Variants in ANTXR2 observed in about 807,000 individuals in gnomAD.
ANTXR2 encodes the protein anthrax toxin receptor 2.
ANTXR2 carries 44 observed loss-of-function variants against 73.7 expected under a neutral mutation model. The ratio of observed to expected loss-of-function variants is 0.60; its 90% CI spans 0.47 to 0.77. The LOEUF is 0.77. Ranked by LOEUF, ANTXR2 falls within the 30% of genes least tolerant of loss-of-function variation. The pLI is 0.00. For synonymous variants in ANTXR2, 217 were observed against 205.9 expected (o/e 1.05, Z -0.46); for missense variants, 604 against 592.5 (o/e 1.02, Z -0.20).
intron 11 of ANTXR2, among the ~76,000 whole-genome samples, chr4:80,012,317 G>A (rs984656137): frequency 6.6e-6 from 1 of 151,402 alleles, no homozygotes; most frequent in Admixed American, 6.6e-5. Context: ...AATCTATTTG[G>A]TAAGACCCCA....
chr4:79,993,760 G>GCACACA (rs1553931141), intron 12 of ANTXR2, among the ~76,000 whole-genome samples: 13,745 of 140,700 alleles, frequency 0.098, 2,089 homozygotes, highest in African/African-American at 0.33. Context: ...ACACACACAC[G>GCACACA]CACACACACA....
intron 7 of ANTXR2, among the ~76,000 whole-genome samples, chr4:80,046,684 T>C (rs1023816908): frequency 6.6e-6 from 1 of 151,776 alleles, no homozygotes; most frequent in Admixed American, 6.6e-5. Context: ...TGTTTCCCTA[T>C]GCAACAATAA....
At chr4:79,989,890 C>T (rs1263066834) in intron 12 of ANTXR2, among the ~76,000 whole-genome samples, 2 of 151,884 alleles carry the variant, frequency 1.3e-5, no homozygotes, top group African/African-American at 2.4e-5. Context: ...ACCACATGAT[C>T]ATCTCAATAG....
intron 7 of ANTXR2, among the ~76,000 whole-genome samples, chr4:80,037,641 A>G (rs1733040431): frequency 6.6e-6 from 1 of 152,140 alleles, no homozygotes; most frequent in Non-Finnish European, 1.5e-5. Context: ...ATTCACTTTT[A>G]TGGATTCAAG....
At chr4:80,068,459 G>T (rs1428602144) in intron 3 of ANTXR2, among the ~76,000 whole-genome samples, 1 of 152,058 alleles carries the variant, frequency 6.6e-6, no homozygotes, top group Non-Finnish European at 1.5e-5. Context: ...TCCCACTATG[G>T]ATCCCATTCT....
At position 79,978,019 on chromosome 4, in the gene ANTXR2, G is replaced by A; in HGVS notation, c.1335C>T (p.Tyr445=). 6.3e-7 allele frequency: 1 copy of A among 1,598,720 alleles called. No homozygotes were observed. Among genetic ancestry groups the A allele is most frequent in the Non-Finnish European group, 8.5e-7 (1 of 1,174,932 alleles). ...PTHQPPQTKW[Y]TPIKGRLDAL... ...TCTGGACACATACCTTAATTGGGGT[G>A]TACCATTTTGTCTGAGGAGGCTGGT... is the stretch of plus-strand genomic sequence containing the variant. Residue 445 remains tyrosine, a synonymous_variant, in exon 15 of 17, where the codon TAC becomes TAT. Coordinates refer to ENST00000403729, the MANE Select transcript of ANTXR2 (RefSeq NM_058172.6).
chr4:79,933,836 G>A (rs1315761834), intron 16 of ANTXR2, among the ~76,000 whole-genome samples: 2 of 148,452 alleles, frequency 1.3e-5, no homozygotes, highest in Non-Finnish European at 3.0e-5. Flanking sequence ...CTGGGTTCAC[G>A]CCATTCTCCC....
At chr4:80,041,108 C>T (rs191371382) in intron 7 of ANTXR2, among the ~76,000 whole-genome samples, 426 of 152,066 alleles carry the variant, frequency 2.8e-3, no homozygotes, top group Non-Finnish European at 4.4e-3. Flanking sequence ...GTCTAATAAA[C>T]AAATATTTTT....
chr4:80,055,071 CA>C, intron 6 of ANTXR2, 78 bp downstream of exon 6: 1 of 1,282,964 alleles, frequency 7.8e-7, no homozygotes, highest in South Asian at 1.4e-5. Context: ...ACAATGTCAT[CA>C]GTGAAAAGAA....
At chr4:80,030,572 C>T (rs1171744100) in intron 10 of ANTXR2, among the ~76,000 whole-genome samples, 1 of 151,990 alleles carries the variant, frequency 6.6e-6, no homozygotes, top group Non-Finnish European at 1.5e-5. Context: ...GTTTTGTAAG[C>T]CATCTTGTGC....
At chr4:80,009,145 T>C (rs932529346) in intron 11 of ANTXR2, among the ~76,000 whole-genome samples, 5 of 152,240 alleles carry the variant, frequency 3.3e-5, no homozygotes, top group African/African-American at 1.2e-4. Context: ...ATCTCATGCA[T>C]TCATAAATCA....
intron 16 of ANTXR2, among the ~76,000 whole-genome samples, chr4:79,976,464 G>T (rs1236794840): frequency 7.7e-6 from 1 of 129,534 alleles, no homozygotes; most frequent in Non-Finnish European, 1.8e-5. Flanking sequence ...CATTGCCATG[G>T]CAACACCCAG....
At chr4:80,025,504 G>T (rs1732387649) in intron 10 of ANTXR2, among the ~76,000 whole-genome samples, 1 of 152,094 alleles carries the variant, frequency 6.6e-6, no homozygotes, top group Admixed American at 6.6e-5. Context: ...ACATTTGCTG[G>T]AAGTAATAAA....
intron 12 of ANTXR2, among the ~76,000 whole-genome samples, chr4:79,993,752 ACACACACG>A (rs1276924389): frequency 8.9e-6 from 1 of 111,742 alleles, no homozygotes; most frequent in East Asian, 3.2e-4. Context: ...CACCACACAC[ACACACACG>A]CACACACACA....
chr4:80,034,618 A>G (rs758433592), intron 8 of ANTXR2, among the ~76,000 whole-genome samples: 6 of 152,050 alleles, frequency 3.9e-5, no homozygotes, highest in Non-Finnish European at 7.4e-5. Flanking sequence ...CTTAAATTCT[A>G]TTTTTCTTAA....
In ANTXR2 at chr4:80,051,740, C is replaced by T. The variant is rs559657492; in HGVS notation, c.636+2532G>A. On this transcript the variant is annotated intron_variant, in intron 7 of 16. Transcript: ENST00000403729. ...TCATAACAAAGGCCTTTTTCAGCCCCTTGATTTTTGAGTTGTAAAAGCAGA... is the reference window on the plus strand; with the variant it reads ...TCATAACAAAGGCCTTTTTCAGCCCTTTGATTTTTGAGTTGTAAAAGCAGA... Among the ~76,000 whole-genome samples the T allele has an allele frequency of 5.3e-5, 8 of 151,726 alleles. No individual in the cohort carries two copies. The East Asian group carries it at 1.6e-3, about 30-fold the overall frequency.
At chr4:79,909,068 T>C (rs1002770770) in intron 16 of ANTXR2, among the ~76,000 whole-genome samples, 2 of 152,124 alleles carry the variant, frequency 1.3e-5, no homozygotes, top group East Asian at 1.9e-4. Context: ...CAATGAGAAA[T>C]AGATTTGAAC....
At chr4:79,937,644 T>G (rs1415776846) in intron 16 of ANTXR2, among the ~76,000 whole-genome samples, 1 of 152,190 alleles carries the variant, frequency 6.6e-6, no homozygotes, top group East Asian at 1.9e-4. Flanking sequence ...AGGTAACAAC[T>G]TGAATGCTTA....
chr4:80,019,682 G>C (rs1466581968), intron 10 of ANTXR2, among the ~76,000 whole-genome samples: 1 of 152,040 alleles, frequency 6.6e-6, no homozygotes, highest in Non-Finnish European at 1.5e-5. Context: ...AAAATATAAA[G>C]AAAGTGAATA....
Sources: allele counts gnomAD v4.1 joint callset (sites outside exome capture counted in the v4.1 genomes callset), GRCh38; gene constraint gnomAD v4.1.1; transcripts MANE v1.5; gene names NCBI Gene and HGNC (gene_info 2026-07-23, HGNC 2026-07-21).